UNC5C: variants seen among roughly 807,000 people sequenced by gnomAD.
The protein encoded by UNC5C is netrin receptor UNC5C.
Under a neutral mutation model 99.8 loss-of-function variants are expected in UNC5C, and 47 were observed. The observed-to-expected ratio is 0.47, with a 90% confidence interval of 0.37 to 0.60. The LOEUF (loss-of-function observed/expected upper bound fraction) is 0.60, where lower values mean the gene tolerates loss of function less well. Ranked by LOEUF, UNC5C falls within the 20% of genes least tolerant of loss-of-function variation. The probability of loss-of-function intolerance (pLI) is 0.00; values close to 1 mark genes in which losing one functional copy is unlikely to be tolerated. For missense variants in UNC5C, 1,062 were observed against 1,165.9 expected (o/e 0.91, Z 1.30); for synonymous variants, 487 against 452.2 (o/e 1.08, Z -0.98).
intron 1 of UNC5C, among the ~76,000 whole-genome samples, chr4:95,493,678 G>T (rs957577170): frequency 6.6e-6 from 1 of 151,250 alleles, no homozygotes; most frequent in African/African-American, 2.4e-5. Flanking sequence ...GTACTGTGGG[G>T]CAAAAGTTGT....
At chr4:95,263,846 T>C (rs948464031) in intron 4 of UNC5C, among the ~76,000 whole-genome samples, 5 of 152,248 alleles carry the variant, frequency 3.3e-5, no homozygotes, top group Non-Finnish European at 7.3e-5. Flanking sequence ...TATGGTGATT[T>C]CTTCACATAG....
intron 1 of UNC5C, among the ~76,000 whole-genome samples, chr4:95,472,001 TTTTG>T (rs2149474726): frequency 6.6e-6 from 1 of 152,288 alleles, no homozygotes; most frequent in South Asian, 2.1e-4. Flanking sequence ...TTTCTGTTTA[TTTTG>T]TAAGAATAAG....
intron 12 of UNC5C, among the ~76,000 whole-genome samples, chr4:95,186,350 C>T (rs1409934479): frequency 3.3e-5 from 5 of 152,138 alleles, no homozygotes; most frequent in African/African-American, 9.7e-5. Context: ...ATTGGGTACC[C>T]ACCAGGGTAC....
At chr4:95,416,461 G>T (rs1746167987) in intron 1 of UNC5C, among the ~76,000 whole-genome samples, 1 of 152,192 alleles carries the variant, frequency 6.6e-6, no homozygotes, top group Non-Finnish European at 1.5e-5. Context: ...AGAAAAAAGT[G>T]AGGGGAGAAG....
intron 1 of UNC5C, among the ~76,000 whole-genome samples, chr4:95,400,385 T>C (rs1482117878): frequency 5.0e-5 from 2 of 40,204 alleles, no homozygotes; most frequent in East Asian, 3.3e-3. Flanking sequence ...AGATGAATTC[T>C]TTTTTTTTTT....
At chr4:95,525,596 T>TAAAAAAAAAAAAAAAAAAAAAAAA (rs574532435) in intron 1 of UNC5C, among the ~76,000 whole-genome samples, 3 of 102,164 alleles carry the variant, frequency 2.9e-5, no homozygotes, top group African/African-American at 7.9e-5. Context: ...GCCTATTTCT[T>TAAAAAAAAAAAAAAAAAAAAAAAA]AAAAAAAAAA....
intron 7 of UNC5C, among the ~76,000 whole-genome samples, chr4:95,237,389 T>A (rs1739158826): frequency 6.6e-6 from 1 of 152,196 alleles, no homozygotes; most frequent in Admixed American, 6.5e-5. Context: ...AGTTTCCACT[T>A]AACTACACAT....
chr4:95,201,821 G>A lies in UNC5C; in HGVS notation c.2136+910C>T, dbSNP rs551541728. Among the ~76,000 whole-genome samples the A allele has an allele frequency of 7.7e-4, 117 of 152,188 alleles. 2 individuals are homozygous for A. The highest frequency in any genetic ancestry group is 7.0e-3 in the South Asian group (34 of 4,824). The stretch of plus-strand genomic sequence containing the variant: ...GGGTTTCACCGTGTTAGCCAGGATG[G>A]TCTTGATCTCCTGACCTCGTGATCC... On this transcript the variant is annotated intron_variant, in intron 12 of 15. Coordinates refer to ENST00000453304, the MANE Select transcript of UNC5C (RefSeq NM_003728.4).
intron 1 of UNC5C, among the ~76,000 whole-genome samples, chr4:95,548,198 CT>C (rs1157235116): frequency 1.3e-5 from 2 of 152,208 alleles, no homozygotes; most frequent in East Asian, 3.9e-4. Flanking sequence ...GGGACGGGTG[CT>C]TTTGAGTCCT....
chr4:95,391,672 T>C (rs1168906706), intron 1 of UNC5C, among the ~76,000 whole-genome samples: 13 of 150,586 alleles, frequency 8.6e-5, no homozygotes, highest in Non-Finnish European at 1.8e-4. Flanking sequence ...GACAGTGTCA[T>C]AACTATTTTA....
At chr4:95,442,757 T>C (rs1298848173) in intron 1 of UNC5C, among the ~76,000 whole-genome samples, 1 of 152,102 alleles carries the variant, frequency 6.6e-6, no homozygotes, top group Non-Finnish European at 1.5e-5. Flanking sequence ...TAATTAGTAA[T>C]GTATGCAGAC....
chr4:95,282,895 AG>A (rs1350348194), intron 3 of UNC5C, among the ~76,000 whole-genome samples: 3 of 152,108 alleles, frequency 2.0e-5, no homozygotes, highest in Non-Finnish European at 2.9e-5. Context: ...TTTTGGACTA[AG>A]GGGGTTTCTA....
At chr4:95,342,940 A>G (rs906615368) in intron 1 of UNC5C, among the ~76,000 whole-genome samples, 4 of 151,992 alleles carry the variant, frequency 2.6e-5, no homozygotes, top group Non-Finnish European at 4.4e-5. Flanking sequence ...GATGGTGGAA[A>G]GGAGAGGGAA....
intron 2 of UNC5C, among the ~76,000 whole-genome samples, chr4:95,319,471 C>T (rs926769758): frequency 2.6e-5 from 4 of 152,208 alleles, no homozygotes; most frequent in African/African-American, 7.2e-5. Flanking sequence ...TTGCAAGATA[C>T]TGTATTTCCT....
chr4:95,170,581 G>T (rs1010195137), intron 14 of UNC5C, among the ~76,000 whole-genome samples: 1 of 152,286 alleles, frequency 6.6e-6, no homozygotes, highest in East Asian at 1.9e-4. Flanking sequence ...CTTTGGTGAG[G>T]ACTGGGCTGG....
At chr4:95,376,465 T>C (rs1281654527) in intron 1 of UNC5C, among the ~76,000 whole-genome samples, 1 of 152,128 alleles carries the variant, frequency 6.6e-6, no homozygotes, top group Non-Finnish European at 1.5e-5. Context: ...ATATTTATGT[T>C]GGCTAAAAAC....
At chr4:95,346,743 C>G (rs1036360021) in intron 1 of UNC5C, among the ~76,000 whole-genome samples, 35 of 151,838 alleles carry the variant, frequency 2.3e-4, no homozygotes, top group African/African-American at 8.5e-4. Context: ...CTAAAACAAA[C>G]TGAGTATAGA....
At chr4:95,439,522 C>T (rs752474972) in intron 1 of UNC5C, among the ~76,000 whole-genome samples, 2 of 151,910 alleles carry the variant, frequency 1.3e-5, no homozygotes, top group Non-Finnish European at 2.9e-5. Context: ...AGAAATACTT[C>T]TGGAAACAAA....
At chr4:95,456,897 A>G (rs1232592144) in intron 1 of UNC5C, among the ~76,000 whole-genome samples, 2 of 152,114 alleles carry the variant, frequency 1.3e-5, no homozygotes, top group Non-Finnish European at 2.9e-5. Flanking sequence ...GACTATAATT[A>G]TTTTCACTGA....
Sources: gnomAD v4.1 joint callset for allele counts (sites outside exome capture counted in the v4.1 genomes callset) on GRCh38, gnomAD v4.1.1 for gene constraint, MANE v1.5 for transcripts, NCBI Gene and HGNC (gene_info 2026-07-23, HGNC 2026-07-21) for gene names.